ZNF184: variants seen among roughly 807,000 people sequenced by gnomAD.
ZNF184 encodes the protein zinc finger protein 184 (Kruppel-like).
ZNF184 carries 16 observed loss-of-function variants against 54.4 expected under a neutral mutation model. The ratio of observed to expected loss-of-function variants is 0.29; its 90% CI spans 0.20 to 0.45. The LOEUF is 0.45. Ranked by LOEUF, ZNF184 falls within the 20% of genes least tolerant of loss-of-function variation. The probability of loss-of-function intolerance (pLI) is 1.00; values close to 1 mark genes in which losing one functional copy is unlikely to be tolerated. For missense variants in ZNF184, 681 were observed against 888.2 expected, an observed-to-expected ratio of 0.77 and a Z score of 2.97; for synonymous variants, 254 against 295.3, an observed-to-expected ratio of 0.86 and a Z score of 1.43.
chr6:27,432,420 T>C, the ZNF184 span, among the ~76,000 whole-genome samples: 1 of 152,124 alleles, frequency 6.6e-6, no homozygotes, highest in African/African-American at 2.4e-5. The surrounding 1 kb of genome is among the most constrained non-coding windows in gnomAD (Gnocchi z 4.0). Context: ...GGAACAGTAA[T>C]AAAGACTAAG....
At chr6:27,464,739 G>A (rs1053398514) in intron 3 of ZNF184, among the ~76,000 whole-genome samples, 1 of 152,100 alleles carries the variant, frequency 6.6e-6, no homozygotes, top group Non-Finnish European at 1.5e-5. Context: ...AAACCCGGCC[G>A]GGCACAGTGG....
the ZNF184 span, among the ~76,000 whole-genome samples, chr6:27,435,239 G>T: frequency 6.6e-6 from 1 of 152,058 alleles, no homozygotes; most frequent in African/African-American, 2.4e-5. Context: ...TGGTTGCTTC[G>T]GATGACGTTT....
chr6:27,445,268 A>G, the ZNF184 span, among the ~76,000 whole-genome samples: 1 of 152,350 alleles, frequency 6.6e-6, no homozygotes, highest in East Asian at 1.9e-4. Flanking sequence ...TACAACACCC[A>G]CAAAAATAAA....
the ZNF184 span, among the ~76,000 whole-genome samples, chr6:27,419,074 C>A: frequency 6.6e-6 from 1 of 151,260 alleles, no homozygotes; most frequent in African/African-American, 2.4e-5. The surrounding 1 kb of genome is among the most constrained non-coding windows in gnomAD (Gnocchi z 4.8). Context: ...CTAATTTTTC[C>A]AACCACTTTT....
downstream of ZNF184, among the ~76,000 whole-genome samples, chr6:27,445,743 G>GAATAA (rs1762629119): frequency 9.7e-6 from 1 of 102,706 alleles, no homozygotes; most frequent in Non-Finnish European, 2.1e-5. Context: ...GACTAAAACA[G>GAATAA]AAAATTGGTA....
chr6:27,424,765 C>T, the ZNF184 span, among the ~76,000 whole-genome samples: 1 of 152,232 alleles, frequency 6.6e-6, no homozygotes, highest in African/African-American at 2.4e-5. Context: ...CTGGCTTCAC[C>T]CAGTGGACCC....
intron 3 of ZNF184, among the ~76,000 whole-genome samples, chr6:27,458,374 A>T (rs1279844735): frequency 1.3e-5 from 2 of 150,992 alleles, no homozygotes; most frequent in Non-Finnish European, 3.0e-5. Context: ...TTTGCAAACT[A>T]TTCATCTCAC....
the ZNF184 span, among the ~76,000 whole-genome samples, chr6:27,424,974 G>A: frequency 1.3e-5 from 2 of 152,340 alleles, no homozygotes; most frequent in South Asian, 2.1e-4. Context: ...CCTGCCCCGC[G>A]GGAAGGCAGC....
chr6:27,462,236 T>C (rs979089070), intron 3 of ZNF184, among the ~76,000 whole-genome samples: 2 of 151,912 alleles, frequency 1.3e-5, no homozygotes, highest in African/African-American at 4.8e-5. Flanking sequence ...TTCTCTCTGT[T>C]GCGCAGCCTG....
chr6:27,456,475 G>A (rs781406347), intron 5 of ZNF184, among the ~76,000 whole-genome samples: 2 of 152,064 alleles, frequency 1.3e-5, no homozygotes, highest in Non-Finnish European at 2.9e-5. Flanking sequence ...AATGGAGCCC[G>A]TAGATCCAAA....
chr6:27,472,232 T>G lies in ZNF184; in HGVS notation c.7+56A>C. ...TGATCTCAAGTATTTGATACTCCAG[T>G]CATGACTGTTCTCAAGCCTCCATCA... is the stretch of plus-strand genomic sequence containing the variant. On this transcript the variant is annotated intron_variant, in intron 2 of 5. Coordinates refer to ENST00000683788, the MANE Select transcript of ZNF184 (RefSeq NM_001318891.2). The surrounding 1 kb of genome is among the most constrained non-coding windows in gnomAD (Gnocchi z 4.8). The G allele has an allele frequency of 1.2e-6, 2 of 1,611,388 alleles. No individual in the cohort carries two copies. The highest frequency in any genetic ancestry group is 1.7e-6 in the Non-Finnish European group (2 of 1,178,064).
the ZNF184 span, among the ~76,000 whole-genome samples, chr6:27,442,810 AAGAG>A: frequency 1.4e-5 from 1 of 73,216 alleles, no homozygotes; most frequent in Non-Finnish European, 2.9e-5. Context: ...AAGAGAAAGA[AAGAG>A]AAAGAAAGAA....
the ZNF184 span, among the ~76,000 whole-genome samples, chr6:27,418,896 AT>A: frequency 2.0e-3 from 296 of 151,584 alleles, 3 homozygotes; most frequent in Non-Finnish European, 3.7e-3. Context: ...GAGTATTTTT[AT>A]TTTTTTTGGT....
Position 27,451,661 on chromosome 6 carries a change from T to A in ZNF184, c.1898A>T (p.Gln633Leu), listed in dbSNP as rs1010441463. Reference protein sequence around the residue: ...FRHCSSLAQHQKTHTEEKPYQ... With the variant: ...FRHCSSLAQHLKTHTEEKPYQ... Reference sequence around the variant, plus strand: ...GGGTTTTTCTTCTGTGTGAGTTTTTTGATGTTGAGCAAGAGATGAACAATG... The same window carrying A: ...GGGTTTTTCTTCTGTGTGAGTTTTTAGATGTTGAGCAAGAGATGAACAATG... Residue 633 changes from glutamine (Q) to leucine (L), a missense_variant, in exon 6 of 6, where the codon CAA (glutamine) becomes CTA (leucine). Coordinates refer to ENST00000683788, the MANE Select transcript of ZNF184 (RefSeq NM_001318891.2). 6 of 1,614,026 alleles carry A rather than the reference T, an allele frequency of 3.7e-6. No homozygotes were observed. In the African/African-American group the frequency reaches 4.0e-5, roughly 11 times the overall value.
chr6:27,458,295 T>TAAAAAAA (rs55966783), intron 3 of ZNF184, among the ~76,000 whole-genome samples: 126 of 62,366 alleles, frequency 2.0e-3, no homozygotes, highest in East Asian at 3.3e-3. Context: ...TTCTGCACAG[T>TAAAAAAA]AAAAAAAAAA....
chr6:27,429,022 G>A, the ZNF184 span, among the ~76,000 whole-genome samples: 1 of 152,190 alleles, frequency 6.6e-6, no homozygotes, highest in Non-Finnish European at 1.5e-5. Context: ...ACATAAGGGA[G>A]AACTTGCCGG....
rs140943742 is a variant in ZNF184 at position 27,456,838 on chromosome 6, C to G, written c.286G>C (p.Gly96Arg). 10 of 1,613,952 alleles carry G rather than the reference C, an allele frequency of 6.2e-6. No homozygotes were observed. In the African/African-American group the frequency reaches 1.3e-4, roughly 22 times the overall value. ...ATCCATGACTTACCTGCACAGGTAC[C>G]TACTGGAATGCTTGGCTCCATGATC... ...PWIMEPSIPV[G>R]TCADWETRLE... is the part of the protein sequence containing the mutation. The change falls in exon 5 of 6, where the codon GGT (glycine) becomes CGT (arginine). Residue 96 changes from glycine (G) to arginine (R), a missense_variant. Coordinates refer to ENST00000683788, the MANE Select transcript of ZNF184 (RefSeq NM_001318891.2).
intron 5 of ZNF184, among the ~76,000 whole-genome samples, chr6:27,456,191 GA>G (rs2113716577): frequency 6.6e-6 from 1 of 151,916 alleles, no homozygotes; most frequent in East Asian, 1.9e-4. Flanking sequence ...CTGGGAAGCA[GA>G]AGCTGCAGTG....
chr6:27,414,020 A>T, the ZNF184 span, among the ~76,000 whole-genome samples: 1 of 152,220 alleles, frequency 6.6e-6, no homozygotes, highest in Non-Finnish European at 1.5e-5. Flanking sequence ...ATCTTCTCTG[A>T]TAAGCCTGGT....
Sources: allele counts gnomAD v4.1 joint callset (sites outside exome capture counted in the v4.1 genomes callset), GRCh38; gene constraint gnomAD v4.1.1; non-coding constraint Gnocchi (gnomAD v3.1); transcripts MANE v1.5; gene names NCBI Gene and HGNC (gene_info 2026-07-23, HGNC 2026-07-21).